Variants in C12orf42 observed in about 807,000 individuals in gnomAD.
The protein encoded by C12orf42 is uncharacterized protein C12orf42.
In C12orf42, 25 loss-of-function variants were observed where a neutral mutation model predicts 21.6. The ratio of observed to expected loss-of-function variants is 1.16; its 90% CI spans 0.84 to 1.62. The LOEUF is 1.62. C12orf42 is among the 40% of genes most tolerant of loss of function. The pLI is 0.00. For missense variants in C12orf42, 483 were observed against 459.3 expected, an observed-to-expected ratio of 1.05 and a Z score of -0.47; for synonymous variants, 174 against 175.0, an observed-to-expected ratio of 0.99 and a Z score of 0.05.
At chr12:103,192,155 G>C in the C12orf42 span, among the ~76,000 whole-genome samples, 1 of 152,036 alleles carries the variant, frequency 6.6e-6, no homozygotes, top group Non-Finnish European at 1.5e-5. Flanking sequence ...TTAAATAACA[G>C]ACTAGTAGAT....
chr12:103,064,787 T>C, the C12orf42 span, among the ~76,000 whole-genome samples: 1 of 152,226 alleles, frequency 6.6e-6, no homozygotes, highest in Non-Finnish European at 1.5e-5. Flanking sequence ...TACTGAACAC[T>C]GGCTCTGAGC....
chr12:103,094,856 C>A, the C12orf42 span, among the ~76,000 whole-genome samples: 7 of 152,090 alleles, frequency 4.6e-5, no homozygotes, highest in Admixed American at 3.3e-4. Flanking sequence ...TCTAGTAAAG[C>A]TGTTCAATTC....
chr12:103,519,824 C>G, the C12orf42 span, among the ~76,000 whole-genome samples: 2 of 152,082 alleles, frequency 1.3e-5, no homozygotes, highest in Non-Finnish European at 2.9e-5. Context: ...ATTCCAGAAA[C>G]CAGCCATGAG....
chr12:103,337,580 C>T (rs183013876), intron 4 of C12orf42, among the ~76,000 whole-genome samples: 144 of 152,286 alleles, frequency 9.5e-4, no homozygotes, highest in Non-Finnish European at 5.4e-4. Flanking sequence ...TCTCAATCTC[C>T]TGATCTCGTG....
intron 10 of C12orf42, among the ~76,000 whole-genome samples, chr12:103,240,133 C>T (rs2033664377): frequency 6.6e-6 from 1 of 152,254 alleles, no homozygotes; most frequent in Admixed American, 6.5e-5. Context: ...TAAACGTCAA[C>T]ATTTATTAGG....
downstream of C12orf42, chr12:103,237,487 G>A (rs2033507404): frequency 6.6e-6 from 1 of 152,206 alleles, no homozygotes; most frequent in Admixed American, 6.5e-5. Flanking sequence ...AATACTGAAT[G>A]TATGGGGTAG....
At chr12:103,222,965 G>C in the C12orf42 span, among the ~76,000 whole-genome samples, 4 of 150,888 alleles carry the variant, frequency 2.7e-5, no homozygotes, top group Non-Finnish European at 4.4e-5. Flanking sequence ...CTCTTCACTG[G>C]CTTCTTCCAT....
At chr12:103,092,349 G>C in the C12orf42 span, among the ~76,000 whole-genome samples, 1 of 152,120 alleles carries the variant, frequency 6.6e-6, no homozygotes, top group Admixed American at 6.6e-5. Context: ...TCTTTTGTTA[G>C]TTTGCACGGG....
At chr12:103,524,965 G>A in the C12orf42 span, among the ~76,000 whole-genome samples, 11 of 151,204 alleles carry the variant, frequency 7.3e-5, no homozygotes, top group East Asian at 3.9e-4. Context: ...GTTTTTTTGG[G>A]GGGGGGGCAG....
the C12orf42 span, among the ~76,000 whole-genome samples, chr12:103,507,266 A>ATT: frequency 5.5e-5 from 3 of 54,120 alleles, no homozygotes; most frequent in East Asian, 2.4e-3. Context: ...AATATATAAT[A>ATT]TATATATTAT....
chr12:103,065,544 C>A, the C12orf42 span, among the ~76,000 whole-genome samples: 18 of 152,154 alleles, frequency 1.2e-4, no homozygotes, highest in African/African-American at 4.3e-4. Context: ...CAAGATATCA[C>A]ACTGGTCCAT....
chr12:103,423,350 G>A (rs866694170), intron 2 of C12orf42, among the ~76,000 whole-genome samples: 2 of 152,124 alleles, frequency 1.3e-5, no homozygotes, highest in African/African-American at 4.8e-5. Flanking sequence ...AAATGAACAC[G>A]GATCAAGTTC....
At chr12:103,225,930 G>A in the C12orf42 span, among the ~76,000 whole-genome samples, 2 of 152,320 alleles carry the variant, frequency 1.3e-5, no homozygotes, top group African/African-American at 4.8e-5. Flanking sequence ...AGGCGATCGG[G>A]CAGTGTCTGT....
At chr12:103,208,540 C>T in the C12orf42 span, among the ~76,000 whole-genome samples, 3 of 152,220 alleles carry the variant, frequency 2.0e-5, no homozygotes, top group Non-Finnish European at 2.9e-5. Flanking sequence ...ACAGAGGAAG[C>T]GTTACATTAT....
At chr12:103,335,893 T>C (rs948403493) in intron 4 of C12orf42, among the ~76,000 whole-genome samples, 4 of 152,180 alleles carry the variant, frequency 2.6e-5, no homozygotes, top group Admixed American at 1.3e-4. Context: ...ACAACTGTTA[T>C]TTTCTTTTTA....
chr12:103,066,573 G>A, the C12orf42 span, among the ~76,000 whole-genome samples: 3,617 of 152,340 alleles, frequency 0.024, 134 homozygotes, highest in African/African-American at 0.081. Flanking sequence ...GAAGGACAGC[G>A]GTGAAGGGAA....
the C12orf42 span, among the ~76,000 whole-genome samples, chr12:103,048,337 G>C: frequency 3.9e-5 from 6 of 152,126 alleles, no homozygotes; most frequent in Non-Finnish European, 7.4e-5. Context: ...CTATAAAATA[G>C]GAATAATAAC....
the C12orf42 span, among the ~76,000 whole-genome samples, chr12:103,049,958 C>T: frequency 6.6e-6 from 1 of 152,186 alleles, no homozygotes; most frequent in Non-Finnish European, 1.5e-5. Context: ...GCACTCCTTC[C>T]ATTGGATGCT....
chr12:103,433,053 T>G (rs1345190429), intron 2 of C12orf42, among the ~76,000 whole-genome samples: 1 of 152,158 alleles, frequency 6.6e-6, no homozygotes, highest in Non-Finnish European at 1.5e-5. Flanking sequence ...TGCTTTACAT[T>G]TCACACTATA....
Sources: gnomAD v4.1 joint callset for allele counts (sites outside exome capture counted in the v4.1 genomes callset) on GRCh38, gnomAD v4.1.1 for gene constraint, MANE v1.5 for transcripts, NCBI Gene and HGNC (gene_info 2026-07-23, HGNC 2026-07-21) for gene names.